Variants in SDK1 observed in about 807,000 individuals in gnomAD.
The protein encoded by SDK1 is sidekick cell adhesion molecule 1, also known as protein sidekick-1.
In SDK1, 157 loss-of-function variants were observed where a neutral mutation model predicts 245.5. The observed-to-expected ratio is 0.64, with a 90% CI of 0.56 to 0.73. SDK1 has a LOEUF of 0.73. Ranked by LOEUF, SDK1 falls within the 30% of genes least tolerant of loss-of-function variation. The probability of loss-of-function intolerance (pLI) is 0.00; values close to 1 mark genes in which losing one functional copy is unlikely to be tolerated. For synonymous variants in SDK1, 1,647 were observed against 1,278.5 expected (o/e 1.29, Z -6.15); for missense variants, 3,583 against 3,002.3 (o/e 1.19, Z -4.52).
chr7:3,412,340 G>A (rs1226354112), intron 1 of SDK1, among the ~76,000 whole-genome samples: 2 of 152,036 alleles, frequency 1.3e-5, no homozygotes, highest in Non-Finnish European at 2.9e-5. Flanking sequence ...TTTCCAAAAT[G>A]GTATCAAACT....
At chr7:4,259,307 C>T (rs1349965641) in intron 44 of SDK1, among the ~76,000 whole-genome samples, 1 of 152,072 alleles carries the variant, frequency 6.6e-6, no homozygotes, top group Non-Finnish European at 1.5e-5. Context: ...GGTGTGGTGG[C>T]GGGCACCTGT....
intron 4 of SDK1, among the ~76,000 whole-genome samples, chr7:3,715,798 A>G (rs1392479130): frequency 6.6e-6 from 1 of 152,224 alleles, no homozygotes; most frequent in Non-Finnish European, 1.5e-5. Flanking sequence ...ATGAGAAGAC[A>G]CAATCAACTG....
At chr7:3,478,014 A>G (rs1274652870) in intron 1 of SDK1, among the ~76,000 whole-genome samples, 2 of 151,962 alleles carry the variant, frequency 1.3e-5, no homozygotes, top group Non-Finnish European at 1.5e-5. Flanking sequence ...TATCCTTCCT[A>G]TTGATTTGCA....
intron 14 of SDK1, among the ~76,000 whole-genome samples, chr7:4,009,235 T>C (rs186787865): frequency 1.3e-5 from 2 of 152,364 alleles, no homozygotes; most frequent in East Asian, 1.9e-4. Flanking sequence ...TTCTTTCTTC[T>C]ACATACCAGT....
intron 4 of SDK1, among the ~76,000 whole-genome samples, chr7:3,705,425 G>GATTTTATTTTATTTT (rs4039583): frequency 6.1e-4 from 70 of 113,894 alleles, no homozygotes; most frequent in Non-Finnish European, 1.1e-3. Flanking sequence ...TATTCCTAGT[G>GATTTTATTTTATTTT]ATTTTATTTT....
intron 19 of SDK1, among the ~76,000 whole-genome samples, chr7:4,059,318 T>G (rs1026888598): frequency 4.6e-5 from 7 of 152,182 alleles, no homozygotes; most frequent in African/African-American, 1.7e-4. Context: ...GATAAAATAC[T>G]TTAAGTAAAA....
intron 5 of SDK1, among the ~76,000 whole-genome samples, chr7:3,844,542 G>A (rs756415918): frequency 6.6e-6 from 1 of 152,162 alleles, no homozygotes; most frequent in Non-Finnish European, 1.5e-5. Flanking sequence ...TGCCCCAGAT[G>A]GACAACTGCC....
intron 1 of SDK1, among the ~76,000 whole-genome samples, chr7:3,451,600 T>C (rs1340598520): frequency 6.6e-6 from 1 of 151,860 alleles, no homozygotes; most frequent in African/African-American, 2.4e-5. Flanking sequence ...TCTTTCACTA[T>C]GTGAGATATT....
intron 13 of SDK1, among the ~76,000 whole-genome samples, chr7:3,978,154 T>C (rs971502701): frequency 2.0e-5 from 3 of 152,152 alleles, no homozygotes; most frequent in African/African-American, 7.2e-5. Flanking sequence ...GCTGTTGTAT[T>C]ATGCACATTT....
At chr7:3,968,402 A>C (rs998716117) in intron 10 of SDK1, among the ~76,000 whole-genome samples, 3 of 152,192 alleles carry the variant, frequency 2.0e-5, no homozygotes, top group African/African-American at 7.2e-5. Flanking sequence ...TATCGGGCTG[A>C]CATGCCAAAA....
At chr7:3,755,183 G>C (rs778248448) in intron 4 of SDK1, among the ~76,000 whole-genome samples, 7 of 152,226 alleles carry the variant, frequency 4.6e-5, no homozygotes, top group Non-Finnish European at 8.8e-5. Flanking sequence ...ATTGGAGGCT[G>C]TTGGCCTGGG....
Position 4,113,331 on chromosome 7 carries a change from C to G in SDK1, c.3477C>G (p.Tyr1159Ter), listed in dbSNP as rs759002886. ...KQVNIVGPSP[Y>*]SPSSRVIQTL... Reference sequence around the variant, plus strand: ...TGAACATTGTTGGGCCGAGCCCCTACAGTCCGTCTTCCCGGGTCATCCAGA... The same window carrying G: ...TGAACATTGTTGGGCCGAGCCCCTAGAGTCCGTCTTCCCGGGTCATCCAGA... The change falls in exon 24 of 45, where the codon TAC (tyrosine) becomes TAG (stop). Residue 1159 changes from tyrosine to a stop codon, truncating the protein, a stop_gained. Transcript: ENST00000404826. LOFTEE classifies it high-confidence loss of function. 6.2e-7 allele frequency: 1 copy of G among 1,613,926 alleles called. No homozygotes were observed. The highest frequency in any genetic ancestry group is 8.5e-7 in the Non-Finnish European group (1 of 1,180,040).
At chr7:3,817,532 T>A (rs904217029) in intron 4 of SDK1, among the ~76,000 whole-genome samples, 1 of 152,256 alleles carries the variant, frequency 6.6e-6, no homozygotes, top group African/African-American at 2.4e-5. Flanking sequence ...CCCAGTGGGC[T>A]GTTTTCACCA....
At chr7:3,829,129 A>C (rs1779852981) in intron 5 of SDK1, among the ~76,000 whole-genome samples, 2 of 152,232 alleles carry the variant, frequency 1.3e-5, no homozygotes. Context: ...GTTTTATTAA[A>C]ATATACTGAA....
At chr7:3,742,786 G>A (rs1012413626) in intron 4 of SDK1, among the ~76,000 whole-genome samples, 13 of 152,154 alleles carry the variant, frequency 8.5e-5, no homozygotes, top group African/African-American at 1.9e-4. Context: ...AGAGGGTGGA[G>A]GAAAGTTTTT....
intron 5 of SDK1, among the ~76,000 whole-genome samples, chr7:3,937,554 A>G (rs1026180807): frequency 1.3e-5 from 2 of 152,146 alleles, no homozygotes; most frequent in African/African-American, 4.8e-5. Flanking sequence ...CTCCATTCCA[A>G]GGTTTAAACA....
chr7:3,928,613 C>G (rs1483985995), intron 5 of SDK1, among the ~76,000 whole-genome samples: 1 of 143,320 alleles, frequency 7.0e-6, no homozygotes, highest in Non-Finnish European at 1.5e-5. Flanking sequence ...GACTTGAACT[C>G]AATAAAAGTT....
intron 17 of SDK1, among the ~76,000 whole-genome samples, chr7:4,041,040 C>T (rs1406039654): frequency 6.6e-6 from 1 of 152,226 alleles, no homozygotes; most frequent in African/African-American, 2.4e-5. Flanking sequence ...CTCTTACCCT[C>T]ACTATCTGCC....
intron 1 of SDK1, among the ~76,000 whole-genome samples, chr7:3,431,358 GTTTTTT>G (rs34510123): frequency 1.7e-5 from 2 of 118,370 alleles, no homozygotes; most frequent in East Asian, 2.4e-4. Context: ...AATGTGGGAG[GTTTTTT>G]TTTTTTTTTT....
Sources: allele counts gnomAD v4.1 joint callset (sites outside exome capture counted in the v4.1 genomes callset), GRCh38; gene constraint gnomAD v4.1.1; transcripts MANE v1.5; gene names NCBI Gene and HGNC (gene_info 2026-07-23, HGNC 2026-07-21).